Variants in SLC35E2B observed in about 807,000 individuals in gnomAD.
The protein encoded by SLC35E2B is solute carrier family 35, member E2B.
A neutral mutation model predicts 32.4 loss-of-function variants in SLC35E2B; 18 were observed. The observed-to-expected ratio is 0.56, with a 90% CI of 0.38 to 0.82. The LOEUF (loss-of-function observed/expected upper bound fraction) is 0.82. Ranked by LOEUF, SLC35E2B falls within the 40% of genes least tolerant of loss-of-function variation. The pLI is 0.00. For synonymous variants in SLC35E2B, 132 were observed against 209.1 expected, an observed-to-expected ratio of 0.63 and a Z score of 3.18; for missense variants, 263 against 469.5, an observed-to-expected ratio of 0.56 and a Z score of 4.06.
chr1:1,668,067 G>A (rs1260948184), intron 9 of SLC35E2B, among the ~76,000 whole-genome samples: 1 of 152,024 alleles, frequency 6.6e-6, no homozygotes, highest in East Asian at 1.9e-4. Context: ...TAGCCAGGCT[G>A]GTCTTGAACT....
rs553850300 is a variant in SLC35E2B, at chr1:1,665,540, C to A, written c.*242G>T. 5.5e-5 allele frequency: 35 copies of A among 630,834 alleles called. 2 individuals carry two copies. The highest frequency in any genetic ancestry group is 9.1e-5 in the Admixed American group (3 of 33,050). The allele number at this position is 630,834 out of a possible 1,614,324, so 39.1% of individuals were successfully genotyped here. On this transcript the variant is annotated 3_prime_UTR_variant, in exon 10 of 10. Coordinates refer to ENST00000617444, the MANE Select transcript of SLC35E2B (RefSeq NM_001290264.2). ...CCTCAGAGGCTGTTTTCACATTACA[C>A]GGGGATGGGCTCGGCGGACACAGTC...
rs1225609798 is a variant in SLC35E2B at position 1,689,884 on chromosome 1, G to T, written c.-148+1092C>A. On this transcript the variant is annotated intron_variant, in intron 2 of 9. Transcript: ENST00000617444. ...CACCTGTAATCCCAGCTACTCGGGAGGGTGAGGCAGGAGAATTGCTTGAAC... is the reference window on the plus strand; with the variant it reads ...CACCTGTAATCCCAGCTACTCGGGATGGTGAGGCAGGAGAATTGCTTGAAC... Among the ~76,000 whole-genome samples the T allele has an allele frequency of 6.0e-5, 9 of 151,062 alleles. No homozygotes were observed. In the Admixed American group the frequency reaches 6.0e-4, roughly 10 times the overall value.
intron 6 of SLC35E2B, 25 bp from the exon 7 acceptor site, chr1:1,670,176 C>G: frequency 6.6e-7 from 1 of 1,516,876 alleles, no homozygotes; most frequent in Non-Finnish European, 9.0e-7. Flanking sequence ...AGAGGTTATG[C>G]ATCAATACTA....
At chr1:1,689,423 G>A (rs1228977431) in intron 2 of SLC35E2B, among the ~76,000 whole-genome samples, 4 of 151,596 alleles carry the variant, frequency 2.6e-5, no homozygotes, top group Non-Finnish European at 5.9e-5. Context: ...AGCCCTCTGG[G>A]GAAGGTGCTG....
chr1:1,678,159 C>CG (rs1643869798), intron 2 of SLC35E2B, among the ~76,000 whole-genome samples: 1 of 152,168 alleles, frequency 6.6e-6, no homozygotes, highest in South Asian at 2.1e-4. Flanking sequence ...ACTTCTCCCC[C>CG]GGGAAACTGG....
At chr1:1,684,260 G>A (rs151030883) in intron 2 of SLC35E2B, among the ~76,000 whole-genome samples, 2 of 152,284 alleles carry the variant, frequency 1.3e-5, no homozygotes, top group East Asian at 1.9e-4. Context: ...GGGCTAAGCC[G>A]CCTAATGCAG....
intron 6 of SLC35E2B, chr1:1,670,775 T>C (rs1643667444): frequency 6.6e-6 from 1 of 152,250 alleles, no homozygotes. Context: ...CCTGTTTTGA[T>C]TATCAGTAAT....
At chr1:1,675,042 G>A (rs1353594118) in intron 5 of SLC35E2B, among the ~76,000 whole-genome samples, 2 of 151,900 alleles carry the variant, frequency 1.3e-5, no homozygotes, top group Non-Finnish European at 2.9e-5. Context: ...GTGGTGGCGG[G>A]TGCTGGAGAG....
At position 1,673,256 on chromosome 1, in the gene SLC35E2B, G is replaced by A. The variant is rs371632526; in HGVS notation, c.587-1627C>T. The A allele has an allele frequency of 3.7e-3, 1,696 of 453,664 alleles. 24 individuals are homozygous for A. Among genetic ancestry groups the A allele is most frequent in the African/African-American group, 0.03 (1,476 of 49,716 alleles). 28.1% of individuals were successfully genotyped at this position (453,664 alleles called of 1,614,324 possible). A position where few individuals can be genotyped will look rare whatever the true frequency, so the allele number is the denominator to read the frequency against. On this transcript the variant is annotated intron_variant, in intron 5 of 9. Coordinates refer to ENST00000617444, the MANE Select transcript of SLC35E2B (RefSeq NM_001290264.2). Reference sequence around the variant, plus strand: ...GGTGCTCATACACGCACTGAGGGTTGACCCTGGTGTTCTTGCCTTCTTAGA... The same window carrying A: ...GGTGCTCATACACGCACTGAGGGTTAACCCTGGTGTTCTTGCCTTCTTAGA...
At chr1:1,684,448 G>A (rs1464510411) in intron 2 of SLC35E2B, among the ~76,000 whole-genome samples, 1 of 152,132 alleles carries the variant, frequency 6.6e-6, no homozygotes, top group Non-Finnish European at 1.5e-5. Flanking sequence ...CACAACCCAA[G>A]TGGGCCTTGG....
At chr1:1,671,129 G>A (rs781060643) in intron 6 of SLC35E2B, 10 of 156,628 alleles carry the variant, frequency 6.4e-5, no homozygotes, top group Non-Finnish European at 9.8e-5. Flanking sequence ...CAGAGGATCC[G>A]CCCGACCTGG....
chr1:1,669,892 G>C, intron 7 of SLC35E2B, 156 bp from the exon 8 acceptor site: 1 of 906,072 alleles, frequency 1.1e-6, no homozygotes, highest in Non-Finnish European at 1.8e-6. Flanking sequence ...AAATGAAAAC[G>C]CAAACGCACA....
intron 5 of SLC35E2B, chr1:1,673,526 G>T (rs1643758406): frequency 4.4e-6 from 1 of 226,682 alleles, no homozygotes; most frequent in Non-Finnish European, 9.0e-6. Context: ...AAATTAGCTG[G>T]GTGTGGGGCC....
intron 2 of SLC35E2B, among the ~76,000 whole-genome samples, chr1:1,687,869 G>T (rs1454759484): frequency 6.6e-6 from 1 of 152,110 alleles, no homozygotes; most frequent in Non-Finnish European, 1.5e-5. Context: ...ACTACAGGCT[G>T]GGCAAAGAGC....
At chr1:1,671,470 G>C in intron 6 of SLC35E2B, 39 bp downstream of exon 6, 1 of 1,397,614 alleles carries the variant, frequency 7.2e-7, no homozygotes, top group East Asian at 2.9e-5. Flanking sequence ...GTGAGCACCG[G>C]GTCTCGTCCC....
chr1:1,669,249 C>T (rs1408170553), intron 8 of SLC35E2B, among the ~76,000 whole-genome samples: 1 of 151,870 alleles, frequency 6.6e-6, no homozygotes, highest in Non-Finnish European at 1.5e-5. Flanking sequence ...GTCCCAGCTA[C>T]TTGGGAAGCT....
chr1:1,666,714 G>A (rs1643555171), intron 9 of SLC35E2B, among the ~76,000 whole-genome samples: 1 of 150,440 alleles, frequency 6.6e-6, no homozygotes, highest in Non-Finnish European at 1.5e-5. Context: ...GGGGGCTCAT[G>A]CTTGTAACCC....
intron 6 of SLC35E2B, 94 bp from the exon 7 acceptor site, chr1:1,670,245 A>G: frequency 1.1e-6 from 1 of 913,798 alleles, no homozygotes; most frequent in African/African-American, 1.7e-5. Flanking sequence ...AGCGATGGCG[A>G]CAATGACCAG....
chr1:1,692,560 G>T lies in SLC35E2B; in HGVS notation c.-677C>A. On this transcript the variant is annotated 5_prime_UTR_variant, in exon 1 of 10. Coordinates refer to ENST00000617444, the MANE Select transcript of SLC35E2B (RefSeq NM_001290264.2). ...GAGGCGCGCGGTGGAGGGGCCGGGC[G>T]CGAGGCCGCGGAGACAGCTCGGAGC... 1.0e-6 allele frequency: 1 copy of T among 985,840 alleles called. No individual in the cohort carries two copies. 61.1% of individuals were successfully genotyped at this position (985,840 alleles called of 1,614,324 possible). A position where few individuals can be genotyped will look rare whatever the true frequency, so the allele number is the denominator to read the frequency against.
Sources: allele counts gnomAD v4.1 joint callset (sites outside exome capture counted in the v4.1 genomes callset), GRCh38; gene constraint gnomAD v4.1.1; transcripts MANE v1.5; gene names NCBI Gene and HGNC (gene_info 2026-07-23, HGNC 2026-07-21).